Variants in PLCH1 observed in about 807,000 individuals in gnomAD.
PLCH1 encodes phospholipase C eta 1, also known as 1-phosphatidylinositol 4,5-bisphosphate phosphodiesterase eta-1.
A neutral mutation model predicts 126.7 loss-of-function variants in PLCH1; 60 were observed. That is an observed-to-expected ratio of 0.47 (90% CI 0.38 to 0.59). PLCH1 has a LOEUF of 0.59. PLCH1 is among the 20% of genes least tolerant of loss of function. The pLI, the probability that PLCH1 is intolerant of heterozygous loss-of-function variation, is 0.00. For missense variants in PLCH1, 1,723 were observed against 2,040.0 expected, an observed-to-expected ratio of 0.84 and a Z score of 2.99; for synonymous variants, 719 against 734.9, an observed-to-expected ratio of 0.98 and a Z score of 0.35.
chr3:155,539,761 C>T (rs1211803097), intron 10 of PLCH1, among the ~76,000 whole-genome samples: 1 of 152,104 alleles, frequency 6.6e-6, no homozygotes, highest in Non-Finnish European at 1.5e-5. Flanking sequence ...AATGGAAACA[C>T]ATTCCATGCT....
At chr3:155,657,354 T>C (rs1217762271) in intron 2 of PLCH1, among the ~76,000 whole-genome samples, 1 of 152,154 alleles carries the variant, frequency 6.6e-6, no homozygotes, top group African/African-American at 2.4e-5. Flanking sequence ...CAGTGGTCTC[T>C]GTCAGTTGAG....
intron 2 of PLCH1, among the ~76,000 whole-genome samples, chr3:155,669,613 C>T (rs1008277542): frequency 6.6e-6 from 1 of 152,122 alleles, no homozygotes; most frequent in Non-Finnish European, 1.5e-5. Flanking sequence ...CTGGCCTTTT[C>T]ATTTTTAAAA....
chr3:155,641,221 ACTC>A (rs1431013507), intron 2 of PLCH1, among the ~76,000 whole-genome samples: 2 of 151,466 alleles, frequency 1.3e-5, no homozygotes, highest in African/African-American at 4.8e-5. Flanking sequence ...ACAAAAACAA[ACTC>A]CTTTTAACAC....
chr3:155,482,063 C>A lies in PLCH1; in HGVS notation c.3963G>T (p.Lys1321Asn). ...PTKGEDWETL[K>N]SCSPASSPDL... ...CAGGGGAAGAGGCAGGGCTGCAGCT[C>A]TTCAGTGTTTCCCAGTCTTCTCCCT... The change falls in exon 23 of 23, where the codon AAG (lysine) becomes AAT (asparagine). Residue 1321 changes from lysine to asparagine, a missense_variant. Transcript: ENST00000460012. The A allele has an allele frequency of 1.2e-6, 2 of 1,614,144 alleles. No individual in the cohort carries two copies. The highest frequency in any genetic ancestry group is 1.7e-6 in the Non-Finnish European group (2 of 1,180,014).
At chr3:155,729,830 G>A (rs942591837) in intron 1 of PLCH1, among the ~76,000 whole-genome samples, 1 of 151,736 alleles carries the variant, frequency 6.6e-6, no homozygotes, top group Admixed American at 6.6e-5. Context: ...AGGATGGAGT[G>A]GGAGGATCAC....
chr3:155,639,249 A>C (rs933602098), intron 2 of PLCH1, among the ~76,000 whole-genome samples: 3 of 152,120 alleles, frequency 2.0e-5, no homozygotes, highest in African/African-American at 7.2e-5. Context: ...ACTTGAGCCC[A>C]GGAGTTCGAG....
At chr3:155,722,902 A>G (rs1052802865) in intron 1 of PLCH1, among the ~76,000 whole-genome samples, 1 of 152,136 alleles carries the variant, frequency 6.6e-6, no homozygotes, top group African/African-American at 2.4e-5. Context: ...ATTGGTGCCA[A>G]TTCTTCTTTG....
intron 8 of PLCH1, among the ~76,000 whole-genome samples, chr3:155,561,802 G>T (rs1389417538): frequency 1.1e-4 from 16 of 151,236 alleles, no homozygotes; most frequent in East Asian, 3.9e-4. Flanking sequence ...CTTTTTTTTT[G>T]ATGGAATCTC....
At chr3:155,582,071 C>CTTTTTT (rs1730773333) in intron 6 of PLCH1, among the ~76,000 whole-genome samples, 1 of 107,862 alleles carries the variant, frequency 9.3e-6, no homozygotes. Context: ...TTTTTCTTTT[C>CTTTTTT]TTTCTTTTTT....
intron 2 of PLCH1, among the ~76,000 whole-genome samples, chr3:155,678,422 T>C (rs1191862386): frequency 1.2e-4 from 19 of 152,210 alleles, no homozygotes; most frequent in Non-Finnish European, 1.0e-4. Context: ...TAAGTGTCTG[T>C]TTGACCACAA....
At chr3:155,502,105 A>C (rs1717996344) in intron 13 of PLCH1, among the ~76,000 whole-genome samples, 1 of 152,116 alleles carries the variant, frequency 6.6e-6, no homozygotes, top group Non-Finnish European at 1.5e-5. Context: ...TTGGTTTGGA[A>C]ACTTCTCCGG....
At chr3:155,593,506 C>T (rs1296063104) in intron 4 of PLCH1, among the ~76,000 whole-genome samples, 3 of 152,196 alleles carry the variant, frequency 2.0e-5, no homozygotes, top group East Asian at 3.8e-4. Context: ...AGTATCTAAT[C>T]GCAACTCACA....
intron 10 of PLCH1, among the ~76,000 whole-genome samples, chr3:155,540,317 A>G (rs1724064316): frequency 6.6e-6 from 1 of 152,168 alleles, no homozygotes; most frequent in Non-Finnish European, 1.5e-5. Flanking sequence ...AACCCCTTCT[A>G]GACATTGGCT....
chr3:155,567,368 G>T (rs895907675), intron 7 of PLCH1, among the ~76,000 whole-genome samples: 14 of 152,072 alleles, frequency 9.2e-5, no homozygotes, highest in Admixed American at 9.2e-4. Flanking sequence ...ACCACACCCG[G>T]CTAATGATCT....
intron 1 of PLCH1, among the ~76,000 whole-genome samples, chr3:155,736,582 G>A (rs1371747968): frequency 6.6e-6 from 1 of 152,146 alleles, no homozygotes. Context: ...GATTCCCACC[G>A]GTCCCCTGAG....
At chr3:155,536,809 C>G (rs1325830421) in intron 10 of PLCH1, among the ~76,000 whole-genome samples, 5 of 152,052 alleles carry the variant, frequency 3.3e-5, no homozygotes, top group Non-Finnish European at 5.9e-5. Context: ...CATCCAAATA[C>G]AAGAAGCTCA....
At chr3:155,458,578 GA>G (rs1560027630) in intron 21 of PLCH1, among the ~76,000 whole-genome samples, 3 of 150,158 alleles carry the variant, frequency 2.0e-5, no homozygotes, top group South Asian at 2.1e-4. Context: ...AAGAAAGAAA[GA>G]AAGGAAGAAA....
chr3:155,528,646 G>T (rs1006780513), intron 10 of PLCH1, among the ~76,000 whole-genome samples: 8 of 152,134 alleles, frequency 5.3e-5, no homozygotes, highest in Non-Finnish European at 8.8e-5. Context: ...CTACAGAATA[G>T]AAATAAATAT....
intron 1 of PLCH1, among the ~76,000 whole-genome samples, chr3:155,707,683 G>A (rs1577349936): frequency 6.6e-6 from 1 of 151,252 alleles, no homozygotes; most frequent in South Asian, 2.1e-4. Context: ...AACGGTGAAA[G>A]ATAATAGATA....
Sources: gnomAD v4.1 joint callset for allele counts (sites outside exome capture counted in the v4.1 genomes callset) on GRCh38, gnomAD v4.1.1 for gene constraint, MANE v1.5 for transcripts, NCBI Gene and HGNC (gene_info 2026-07-23, HGNC 2026-07-21) for gene names.